BMPR1B: variants seen among roughly 807,000 people sequenced by gnomAD.
The protein encoded by BMPR1B is bone morphogenetic protein receptor type-1B.
In BMPR1B, 12 loss-of-function variants were observed where a neutral mutation model predicts 59.1. The ratio of observed to expected loss-of-function variants is 0.20; its 90% CI spans 0.13 to 0.33. The LOEUF is 0.33. BMPR1B is among the 10% of genes least tolerant of loss of function. BMPR1B has a pLI of 1.00. For synonymous variants in BMPR1B, 237 were observed against 207.3 expected, an observed-to-expected ratio of 1.14 and a Z score of -1.23; for missense variants, 550 against 610.9, an observed-to-expected ratio of 0.90 and a Z score of 1.05.
chr4:94,886,988 A>C (rs1388845557), intron 2 of BMPR1B, among the ~76,000 whole-genome samples: 1 of 152,172 alleles, frequency 6.6e-6, no homozygotes, highest in African/African-American at 2.4e-5. Flanking sequence ...GGTCAAATTA[A>C]CAATTTTATG....
intron 1 of BMPR1B, among the ~76,000 whole-genome samples, chr4:94,798,401 A>C (rs910505486): frequency 2.6e-5 from 4 of 152,232 alleles, no homozygotes; most frequent in Non-Finnish European, 4.4e-5. Flanking sequence ...ATTCATCAGC[A>C]TGAAGAGAAA....
At position 94,810,610 on chromosome 4, in the gene BMPR1B, G is replaced by A. The variant is rs565494867; in HGVS notation, c.-183+52542G>A. 3.3e-5 allele frequency among the ~76,000 whole-genome samples: 5 copies of A among 152,298 alleles called. No homozygotes were observed. The South Asian group carries it at 1.0e-3, about 32-fold the overall frequency. ...AAATGCAATTTGATTTATATTTTAT[G>A]TGGCAGGTAGAGCCAAGTTAAATGA... On this transcript the variant is annotated intron_variant, in intron 1 of 12. Transcript: ENST00000515059.
intron 3 of BMPR1B, among the ~76,000 whole-genome samples, chr4:95,007,751 G>A (rs1243745544): frequency 6.6e-6 from 1 of 152,154 alleles, no homozygotes; most frequent in East Asian, 1.9e-4. Context: ...AGAGTGAAAA[G>A]CTAAGTGTTT....
At chr4:94,783,811 T>C (rs1332855759) in intron 1 of BMPR1B, among the ~76,000 whole-genome samples, 1 of 152,178 alleles carries the variant, frequency 6.6e-6, no homozygotes, top group Admixed American at 6.6e-5. Flanking sequence ...CTCTGACCAC[T>C]TGGCCATGCT....
intron 1 of BMPR1B, among the ~76,000 whole-genome samples, chr4:94,813,548 A>G (rs919040913): frequency 2.6e-5 from 4 of 152,182 alleles, no homozygotes; most frequent in East Asian, 1.9e-4. Flanking sequence ...TGGAGGGCCT[A>G]TCACTGGAAT....
intron 1 of BMPR1B, among the ~76,000 whole-genome samples, chr4:94,790,181 G>C (rs1006359879): frequency 2.0e-5 from 3 of 152,146 alleles, no homozygotes; most frequent in African/African-American, 2.4e-5. Flanking sequence ...AGATTCAGAA[G>C]TTATACATGG....
chr4:95,133,947 A>T (rs574229725), intron 10 of BMPR1B, among the ~76,000 whole-genome samples: 1 of 151,558 alleles, frequency 6.6e-6, no homozygotes, highest in Middle Eastern at 3.4e-3. Context: ...TTACATATGT[A>T]TACGTGTGCC....
intron 2 of BMPR1B, among the ~76,000 whole-genome samples, chr4:94,921,013 T>A (rs1474212070): frequency 2.0e-5 from 3 of 152,194 alleles, no homozygotes; most frequent in African/African-American, 7.2e-5. Flanking sequence ...TTACCCATTT[T>A]AACCATTAAA....
chr4:94,991,914 T>C (rs1193832197), intron 2 of BMPR1B, among the ~76,000 whole-genome samples: 1 of 152,218 alleles, frequency 6.6e-6, no homozygotes, highest in Non-Finnish European at 1.5e-5. Context: ...AACTACTTAC[T>C]GAATTGATGC....
Position 95,060,157 on chromosome 4 carries a change from A to G in BMPR1B, c.-17-44251A>G, listed in dbSNP as rs577471475. Among the ~76,000 whole-genome samples the G allele has an allele frequency of 2.6e-5, 4 of 152,280 alleles. No individual in the cohort carries two copies. In the South Asian group the frequency reaches 6.2e-4, roughly 24 times the overall value. ...TTTAACATACAGGTCCCAATACCCC[A>G]TTTTGAAACCACTAAACCAAATATT... On this transcript the variant is annotated intron_variant, in intron 3 of 12. Coordinates refer to ENST00000515059, the MANE Select transcript of BMPR1B (RefSeq NM_001203.3).
intron 1 of BMPR1B, among the ~76,000 whole-genome samples, chr4:94,772,994 CTTT>C: frequency 6.6e-6 from 1 of 152,184 alleles, no homozygotes; most frequent in Admixed American, 6.5e-5. Context: ...TTCAAATCTT[CTTT>C]GTGTTCTCAT....
intron 2 of BMPR1B, among the ~76,000 whole-genome samples, chr4:94,880,787 C>T (rs116812229): frequency 0.032 from 4,912 of 151,874 alleles, 104 homozygotes; most frequent in Non-Finnish European, 0.051. Context: ...ACAGGCGTGC[C>T]ACCATGCCCA....
intron 3 of BMPR1B, among the ~76,000 whole-genome samples, chr4:95,026,936 A>C (rs1175789125): frequency 6.6e-6 from 1 of 151,612 alleles, no homozygotes; most frequent in Non-Finnish European, 1.5e-5. Flanking sequence ...TTTTTTAAAA[A>C]AAAACTTTTG....
rs184271933 is a variant in BMPR1B, at chr4:94,937,813, A to T, written c.-112-58227A>T. On this transcript the variant is annotated intron_variant, in intron 2 of 12. Coordinates refer to ENST00000515059, the MANE Select transcript of BMPR1B (RefSeq NM_001203.3). Reference sequence around the variant, plus strand: ...GTTTCAGTTATCGGATAGCAATCATAAACTAGGTAAGAGCTTAGTTGGGAT... The same window carrying T: ...GTTTCAGTTATCGGATAGCAATCATTAACTAGGTAAGAGCTTAGTTGGGAT... Among the ~76,000 whole-genome samples, 19 of 152,234 alleles carry T rather than the reference A, an allele frequency of 1.2e-4. No individual in the cohort carries two copies. The East Asian group carries it at 3.7e-3, about 29-fold the overall frequency.
chr4:95,106,907 G>A (rs1731234538), intron 4 of BMPR1B, among the ~76,000 whole-genome samples: 1 of 151,650 alleles, frequency 6.6e-6, no homozygotes, highest in South Asian at 2.1e-4. Context: ...TTGAGTTTAG[G>A]CCTGCTGCAC....
chr4:95,071,656 A>G (rs891613588), intron 3 of BMPR1B, among the ~76,000 whole-genome samples: 186 of 97,024 alleles, frequency 1.9e-3, no homozygotes, highest in African/African-American at 4.2e-3. Flanking sequence ...GTGTGTGTAT[A>G]TATATATATA....
intron 1 of BMPR1B, among the ~76,000 whole-genome samples, chr4:94,843,704 C>T (rs921301325): frequency 1.3e-5 from 2 of 151,908 alleles, no homozygotes; most frequent in Admixed American, 6.6e-5. Context: ...AAATACTGCT[C>T]TATTCAAAAG....
intron 3 of BMPR1B, among the ~76,000 whole-genome samples, chr4:95,019,578 G>A (rs1723825422): frequency 6.6e-6 from 1 of 152,140 alleles, no homozygotes; most frequent in South Asian, 2.1e-4. Context: ...TTTGGGGACT[G>A]GTCTTAAAAT....
intron 2 of BMPR1B, among the ~76,000 whole-genome samples, chr4:94,914,135 A>C (rs1020520268): frequency 2.6e-5 from 4 of 152,232 alleles, no homozygotes; most frequent in Non-Finnish European, 5.9e-5. Context: ...AGAGATGGGG[A>C]GAAGTGGACA....
Sources: allele counts gnomAD v4.1 joint callset (sites outside exome capture counted in the v4.1 genomes callset), GRCh38; gene constraint gnomAD v4.1.1; transcripts MANE v1.5; gene names NCBI Gene and HGNC (gene_info 2026-07-23, HGNC 2026-07-21).